The following PCDHGA7 variants were observed in gnomAD, a reference collection of about 807,000 sequenced individuals.
PCDHGA7 encodes the protein protocadherin gamma subfamily A, 7.
PCDHGA7 carries 44 observed loss-of-function variants against 58.3 expected under a neutral mutation model. That is an observed-to-expected ratio of 0.75 (90% CI 0.59 to 0.97). The LOEUF (loss-of-function observed/expected upper bound fraction) is 0.97, where lower values mean the gene tolerates loss of function less well. Among genes scored for constraint, PCDHGA7 ranks in the 50% least tolerant of loss-of-function variants. The pLI, the probability that PCDHGA7 is intolerant of heterozygous loss-of-function variation, is 0.00. For missense variants in PCDHGA7, 1,266 were observed against 1,188.7 expected, an observed-to-expected ratio of 1.06 and a Z score of -0.96; for synonymous variants, 516 against 504.2, an observed-to-expected ratio of 1.02 and a Z score of -0.31.
At chr5:141,394,430 C>G in intron 1 of PCDHGA7, 2 of 1,614,244 alleles carry the variant, frequency 1.2e-6, no homozygotes, top group Non-Finnish European at 1.7e-6. Flanking sequence ...ACAGCGGGGA[C>G]CCGCCCCTCA....
At chr5:141,394,494 G>A (rs771645801) in intron 1 of PCDHGA7, 4 of 1,614,200 alleles carry the variant, frequency 2.5e-6, no homozygotes, top group Non-Finnish European at 1.7e-6. Flanking sequence ...CAACGCGCCC[G>A]AGATCCTGTA....
intron 1 of PCDHGA7, chr5:141,422,227 A>G: frequency 6.4e-7 from 1 of 1,566,716 alleles, no homozygotes; most frequent in Non-Finnish European, 8.6e-7. Context: ...CACCACGACG[A>G]TGTTGATCAC....
At chr5:141,388,971 CAT>C (rs1456846164) in intron 1 of PCDHGA7, 3 of 1,613,890 alleles carry the variant, frequency 1.9e-6, no homozygotes, top group Non-Finnish European at 2.5e-6. Context: ...GCTGGGAACA[CAT>C]ATTGCTTTGC....
chr5:141,480,457 G>GT (rs1309116577), intron 1 of PCDHGA7, among the ~76,000 whole-genome samples: 4 of 152,060 alleles, frequency 2.6e-5, no homozygotes, highest in Non-Finnish European at 5.9e-5. Flanking sequence ...ATTTTTATTA[G>GT]TTCCTCACTC....
chr5:141,451,216 A>G (rs1561943760), intron 1 of PCDHGA7, among the ~76,000 whole-genome samples: 1 of 152,204 alleles, frequency 6.6e-6, no homozygotes, highest in Non-Finnish European at 1.5e-5. Context: ...TTAGTGGCTT[A>G]AAAGAAGCAT....
chr5:141,388,237 A>G, intron 1 of PCDHGA7: 3 of 1,607,818 alleles, frequency 1.9e-6, no homozygotes, highest in Non-Finnish European at 2.6e-6. Context: ...AACTTTTATC[A>G]CGTGAATGTG....
At chr5:141,413,128 CA>C in intron 1 of PCDHGA7, 1 of 1,534,686 alleles carries the variant, frequency 6.5e-7, no homozygotes, top group Non-Finnish European at 8.8e-7. Flanking sequence ...GGTTGAAACA[CA>C]CAACGTGTCC....
chr5:141,449,916 T>C (rs1453191109), intron 1 of PCDHGA7, among the ~76,000 whole-genome samples: 1 of 151,912 alleles, frequency 6.6e-6, no homozygotes, highest in East Asian at 1.9e-4. Context: ...CATATTTAAA[T>C]TCTACCATAC....
chr5:141,487,040 C>T lies in PCDHGA7; in HGVS notation c.2425-7767C>T, dbSNP rs374574042. The T allele has an allele frequency of 3.7e-6, 6 of 1,614,136 alleles. No homozygotes were observed. Among genetic ancestry groups the T allele is most frequent in the South Asian group, 1.1e-5 (1 of 91,082 alleles). On this transcript the variant is annotated intron_variant, in intron 1 of 3. Transcript: ENST00000518325. This position sits in a 1 kb window ranked among gnomAD's most constrained non-coding sequence, Gnocchi z 5.0. Reference sequence around the variant, plus strand: ...AGATCCCAGCCTGTTTGCAGTCTCTCGATATGCTGGGGAGGTGCGGACGGC... The same window carrying T: ...AGATCCCAGCCTGTTTGCAGTCTCTTGATATGCTGGGGAGGTGCGGACGGC...
chr5:141,384,919 G>C lies in PCDHGA7; in HGVS notation c.2020G>C (p.Asp674His). Reference sequence around the variant, plus strand: ...TGACAGCATCCCCGAAGTCTTGGCCGACCTGGGCAGCCTTGAGCCCTCCGA... The same window carrying C: ...TGACAGCATCCCCGAAGTCTTGGCCCACCTGGGCAGCCTTGAGCCCTCCGA... Reference protein sequence around the residue: ...VADSIPEVLADLGSLEPSDGP... With the variant: ...VADSIPEVLAHLGSLEPSDGP... The change falls in exon 1 of 4, where the codon GAC becomes CAC. Residue 674 changes from aspartate (D) to histidine (H), a missense_variant. Coordinates refer to ENST00000518325, the MANE Select transcript of PCDHGA7 (RefSeq NM_018920.4). 1 of 1,613,976 alleles carries C rather than the reference G, an allele frequency of 6.2e-7. No homozygotes were observed. Among genetic ancestry groups the C allele is most frequent in the Non-Finnish European group, 8.5e-7 (1 of 1,180,038 alleles).
At chr5:141,404,089 T>A in intron 1 of PCDHGA7, 2 of 1,613,496 alleles carry the variant, frequency 1.2e-6, no homozygotes, top group Non-Finnish European at 1.7e-6. Flanking sequence ...CCGGGAAGAA[T>A]GGTCAAGTTG....
At chr5:141,419,117 G>A (rs1362880648) in intron 1 of PCDHGA7, 2 of 1,613,836 alleles carry the variant, frequency 1.2e-6, no homozygotes, top group Non-Finnish European at 1.7e-6. Flanking sequence ...AGAGTACAAC[G>A]TCACCATCGC....
Position 141,431,473 on chromosome 5 carries a change from C to G in PCDHGA7, c.2424+46150C>G, listed in dbSNP as rs750300971. ...TGATGGTTCTGGATGCGAACGACAA[C>G]GCACCAGCGTTTGCTCAGCCCGAGT... On this transcript the variant is annotated intron_variant, in intron 1 of 3. Coordinates refer to ENST00000518325, the MANE Select transcript of PCDHGA7 (RefSeq NM_018920.4). This position sits in a 1 kb window ranked among gnomAD's most constrained non-coding sequence, Gnocchi z 4.8. 5.0e-6 allele frequency: 8 copies of G among 1,613,832 alleles called. No homozygotes were observed. The highest frequency in any genetic ancestry group is 1.7e-5 in the Admixed American group (1 of 60,026).
In PCDHGA7 at chr5:141,388,772, C is replaced by G. The variant is rs747075769; in HGVS notation, c.2424+3449C>G. 6.8e-6 allele frequency: 11 copies of G among 1,613,680 alleles called. No individual in the cohort carries two copies. In the Admixed American group the frequency reaches 1.8e-4, roughly 27 times the overall value. On this transcript the variant is annotated intron_variant, in intron 1 of 3. Transcript: ENST00000518325. Reference sequence around the variant, plus strand: ...CCCAATTTGACCTGAACTCTAACACCGGGGAAATTACTGTTTTAAATACAT... The same window carrying G: ...CCCAATTTGACCTGAACTCTAACACGGGGGAAATTACTGTTTTAAATACAT...
In PCDHGA7 at chr5:141,502,866, C is replaced by CTTTTTTTTTT. The variant is rs549047197; in HGVS notation, c.2484-2522_2484-2513dup. On this transcript the variant is annotated intron_variant, in intron 2 of 3. Transcript: ENST00000518325. ...GAGCTGCCTAACCCTGACTCTCTGT[C>CTTTTTTTTTT]TTTTTTTTTTTTTTGACAGGGAGTC... 1.9e-3 allele frequency among the ~76,000 whole-genome samples: 240 copies of CTTTTTTTTTT among 127,966 alleles called. 11 individuals are homozygous for CTTTTTTTTTT. The highest frequency in any genetic ancestry group is 3.5e-3 in the Admixed American group (41 of 11,656). The allele number at this position is 127,966 out of a possible 152,430, so 84.0% of individuals were successfully genotyped here.
intron 1 of PCDHGA7, chr5:141,423,123 A>G: frequency 1.2e-6 from 2 of 1,613,766 alleles, no homozygotes; most frequent in Non-Finnish European, 1.7e-6. Flanking sequence ...CAGCGCGGGC[A>G]CTGCTGGACA....
Position 141,470,128 on chromosome 5 carries a change from CA to C in PCDHGA7, c.2425-24670del, listed in dbSNP as rs200356364. Among the ~76,000 whole-genome samples, 62 of 150,148 alleles carry C rather than the reference CA, an allele frequency of 4.1e-4. 1 individual carries two copies. Among genetic ancestry groups the C allele is most frequent in the Middle Eastern group, 3.4e-3 (1 of 294 alleles). On this transcript the variant is annotated intron_variant, in intron 1 of 3. Coordinates refer to ENST00000518325, the MANE Select transcript of PCDHGA7 (RefSeq NM_018920.4). ...TGAGCAACAGAGCAAGACTTCGTCTCAAAAAAAAAGATCATAGATCATCTTA... is the reference window on the plus strand; with the variant it reads ...TGAGCAACAGAGCAAGACTTCGTCTCAAAAAAAAGATCATAGATCATCTTA...
intron 1 of PCDHGA7, chr5:141,441,516 C>T (rs1034274864): frequency 4.0e-5 from 7 of 173,082 alleles, no homozygotes; most frequent in Non-Finnish European, 8.7e-5. Flanking sequence ...ACGTCGTCCA[C>T]GTGGCCAAGA....
intron 1 of PCDHGA7, among the ~76,000 whole-genome samples, chr5:141,463,527 G>C (rs12109431): frequency 1.5e-5 from 2 of 131,102 alleles, no homozygotes; most frequent in Non-Finnish European, 3.1e-5. Context: ...CGGCTTACTA[G>C]AAACTCCGGC....
Sources: allele counts gnomAD v4.1 joint callset (sites outside exome capture counted in the v4.1 genomes callset), GRCh38; gene constraint gnomAD v4.1.1; non-coding constraint Gnocchi (gnomAD v3.1); transcripts MANE v1.5; gene names NCBI Gene and HGNC (gene_info 2026-07-23, HGNC 2026-07-21).